MPV17: variants seen among roughly 807,000 people sequenced by gnomAD.
The protein encoded by MPV17 is MPV17, mitochondrial inner membrane protein.
MPV17 carries 31 observed loss-of-function variants against 28.6 expected under a neutral mutation model. That is an observed-to-expected ratio of 1.08 (90% confidence interval 0.81 to 1.46). MPV17 has a LOEUF of 1.46. Ranked by LOEUF, MPV17 falls within the 40% of genes most tolerant of loss-of-function variation. The pLI is 0.00. For missense variants in MPV17, 198 were observed against 216.2 expected, an observed-to-expected ratio of 0.92 and a Z score of 0.53; for synonymous variants, 87 against 85.3, an observed-to-expected ratio of 1.02 and a Z score of -0.11.
chr2:27,312,341 G>T, intron 5 of MPV17, 95 bp from the exon 6 acceptor site: 1 of 1,450,630 alleles, frequency 6.9e-7, no homozygotes, highest in Non-Finnish European at 9.7e-7. Flanking sequence ...GGTTCAAAGA[G>T]CACATTCCTG....
intron 2 of MPV17, 153 bp from the exon 3 acceptor site, chr2:27,313,262 C>T (rs1015057839): frequency 4.0e-6 from 6 of 1,507,700 alleles, no homozygotes; most frequent in Non-Finnish European, 5.4e-6. Flanking sequence ...TTCCTGCTGC[C>T]TCAAAGCCCT....
Position 27,309,919 on chromosome 2 carries a change from C to G in MPV17, c.524G>C (p.Arg175Pro). ...CGATGGAGTGAGGCAGGCTTAGAGC[C>G]GATGTGCCTTCCAGGACAGGTAGGA... The part of the protein sequence containing the change: ...WNSYLSWKAH[R>P]L The change falls in exon 8 of 8, where the codon CGG becomes CCG. Residue 175 changes from arginine (R) to proline (P), a missense_variant. Coordinates refer to ENST00000380044, the MANE Select transcript of MPV17 (RefSeq NM_002437.5). 1 of 1,613,656 alleles carries G rather than the reference C, an allele frequency of 6.2e-7. No homozygotes were observed.
In MPV17 at chr2:27,317,133, T is replaced by C. The variant is rs1251021286; in HGVS notation, c.71-4024A>G. 1.3e-6 allele frequency: 2 copies of C among 1,550,134 alleles called. No homozygotes were observed. The highest frequency in any genetic ancestry group is 1.2e-5 in the South Asian group (1 of 84,036). The stretch of plus-strand genomic sequence containing the variant: ...GGCAGAGGGGCAAGAAGTGGCTTCT[T>C]GGAGTGAGGAGCAGGAAGCGTGTCC... On this transcript the variant is annotated intron_variant, in intron 2 of 7. Coordinates refer to ENST00000380044, the MANE Select transcript of MPV17 (RefSeq NM_002437.5). This position sits in a 1 kb window ranked among gnomAD's most constrained non-coding sequence, Gnocchi z 4.0.
rs767864649 is a variant in MPV17 at position 27,312,759 on chromosome 2, C to T, written c.200G>A (p.Gly67Glu). The change falls in exon 4 of 8, where the codon GGA (glycine) becomes GAA (glutamate). Residue 67 changes from glycine to glutamate, a missense_variant. Physicochemically the swap from Gly to Glu is moderately conservative, Grantham distance 98. Transcript: ENST00000380044. ...CCGATCCAAAACCTTGTACCAGCCT[C>T]CTACCACAGGGCCCTGGAAGTAAAC... ...LGCGFVGPVV[G>E]GWYKVLDRFI... The T allele has an allele frequency of 6.2e-7, 1 of 1,614,156 alleles. No individual in the cohort carries two copies. Among genetic ancestry groups the T allele is most frequent in the Non-Finnish European group, 8.5e-7 (1 of 1,180,050 alleles).
chr2:27,315,834 T>G, intron 2 of MPV17: 7 of 1,210,876 alleles, frequency 5.8e-6, no homozygotes, highest in East Asian at 3.5e-5. Context: ...AGTGTTGGGA[T>G]TATAGGTGTG....
chr2:27,311,768 G>A lies in MPV17; in HGVS notation c.461+131C>T, dbSNP rs1248718692. The A allele has an allele frequency of 3.2e-6, 5 of 1,562,472 alleles. No individual in the cohort carries two copies. In the East Asian group the frequency reaches 1.1e-4, roughly 36 times the overall value. On this transcript the variant is annotated intron_variant, in intron 7 of 7. Coordinates refer to ENST00000380044, the MANE Select transcript of MPV17 (RefSeq NM_002437.5). ...CTGAATAACACGCTTGGGAATCTGA[G>A]GAACTCTGATCACGGCTCAGTGTTC... is the stretch of plus-strand genomic sequence containing the variant.
At chr2:27,312,148 C>G (rs1028829307) in intron 6 of MPV17, 66 bp downstream of exon 6, 1 of 1,568,258 alleles carries the variant, frequency 6.4e-7, no homozygotes, top group Non-Finnish European at 8.8e-7. Context: ...GGAGGACCCC[C>G]CAATCCCAGG....
chr2:27,313,146 T>G (rs892297593), intron 2 of MPV17, 37 bp from the exon 3 acceptor site: 6 of 1,613,692 alleles, frequency 3.7e-6, no homozygotes, highest in Middle Eastern at 1.7e-4. Context: ...GGACATCTCC[T>G]GGGATGGGCT....
In MPV17 at chr2:27,317,003, C is replaced by T; in HGVS notation, c.71-3894G>A. On this transcript the variant is annotated intron_variant, in intron 2 of 7. Transcript: ENST00000380044. The surrounding 1 kb of genome is among the most constrained non-coding windows in gnomAD (Gnocchi z 4.0). Reference sequence around the variant, plus strand: ...ACTTCCTGCCCACTAGTGGAAAAGCCCCAACTTCCACACCCTCTTCCCGGG... The same window carrying T: ...ACTTCCTGCCCACTAGTGGAAAAGCTCCAACTTCCACACCCTCTTCCCGGG... The T allele has an allele frequency of 7.2e-7, 1 of 1,392,360 alleles. No homozygotes were observed. The allele number at this position is 1,392,360 out of a possible 1,614,324, so 86.3% of individuals were successfully genotyped here. A position where few individuals can be genotyped will look rare whatever the true frequency, so the allele number is the denominator to read the frequency against.
At chr2:27,320,625 C>T (rs559029296) in intron 2 of MPV17, among the ~76,000 whole-genome samples, 12 of 152,268 alleles carry the variant, frequency 7.9e-5, no homozygotes, top group African/African-American at 2.6e-4. Flanking sequence ...TGAGCCACCG[C>T]GCCCAGTCCC....
At chr2:27,316,972 G>C (rs1679677770) in intron 2 of MPV17, 1 of 1,100,154 alleles carries the variant, frequency 9.1e-7, no homozygotes, top group South Asian at 1.6e-5. Flanking sequence ...AGATCAATTT[G>C]GGACCACTTC....
At chr2:27,321,232 A>G (rs764850794) in intron 2 of MPV17, among the ~76,000 whole-genome samples, 4 of 152,350 alleles carry the variant, frequency 2.6e-5, no homozygotes, top group South Asian at 2.1e-4. Context: ...CCAGCGTGTC[A>G]GTTCCCATCA....
At chr2:27,320,240 G>GA (rs893382884) in intron 2 of MPV17, among the ~76,000 whole-genome samples, 46 of 132,552 alleles carry the variant, frequency 3.5e-4, no homozygotes, top group Admixed American at 5.4e-4. Flanking sequence ...CCATCTCGAA[G>GA]AAAAAAAAAA....
intron 2 of MPV17, among the ~76,000 whole-genome samples, chr2:27,315,160 G>T (rs945487707): frequency 1.3e-5 from 2 of 152,242 alleles, no homozygotes; most frequent in Non-Finnish European, 2.9e-5. Flanking sequence ...GCAAGCTACT[G>T]GTAGGTGCTC....
Position 27,310,890 on chromosome 2 carries a change from A to G in MPV17, c.462-909T>C, listed in dbSNP as rs1409385017. 5.9e-5 allele frequency among the ~76,000 whole-genome samples: 9 copies of G among 151,606 alleles called. No homozygotes were observed. The East Asian group carries it at 1.6e-3, about 26-fold the overall frequency. On this transcript the variant is annotated intron_variant, in intron 7 of 7. Coordinates refer to ENST00000380044, the MANE Select transcript of MPV17 (RefSeq NM_002437.5). ...CTCCCGAGTAGCTGGGACTACAGGC[A>G]CCTGCCACCACACCCAGCTAATTTT...
chr2:27,312,178 A>T, intron 6 of MPV17, 36 bp downstream of exon 6: 1 of 1,608,722 alleles, frequency 6.2e-7, no homozygotes, highest in African/African-American at 1.3e-5. Context: ...GACTTAAGGA[A>T]GCAGGAGAAC....
chr2:27,313,083 T>C lies in MPV17; in HGVS notation c.97A>G (p.Ile33Val). The stretch of plus-strand genomic sequence containing the variant: ...CGCCTCTCCACCAGCTGCTGTGAGA[T>C]AATGTCACCCAGGCCCATCAGGGAC... ...AGSLMGLGDIISQQLVERRGL... is the reference protein window; with the variant it reads ...AGSLMGLGDIVSQQLVERRGL... Residue 33 changes from isoleucine (I) to valine (V), a missense_variant, in exon 3 of 8, where the codon ATC becomes GTC. Coordinates refer to ENST00000380044, the MANE Select transcript of MPV17 (RefSeq NM_002437.5). The C allele has an allele frequency of 6.2e-7, 1 of 1,614,180 alleles. No individual in the cohort carries two copies.
intron 7 of MPV17, 120 bp from the exon 8 acceptor site, chr2:27,310,101 C>A: frequency 1.2e-6 from 1 of 806,998 alleles, no homozygotes. Flanking sequence ...GTTTAGGTCT[C>A]TTTCCTTCAG....
intron 3 of MPV17, 46 bp from the exon 4 acceptor site, chr2:27,312,818 T>TA: frequency 3.1e-6 from 5 of 1,589,538 alleles, no homozygotes. Flanking sequence ...GAGGGAGCCC[T>TA]AGGCCTCTAC....
Sources: gnomAD v4.1 joint callset for allele counts (sites outside exome capture counted in the v4.1 genomes callset) on GRCh38, gnomAD v4.1.1 for gene constraint, Gnocchi (gnomAD v3.1) non-coding constraint, MANE v1.5 for transcripts, NCBI Gene and HGNC (gene_info 2026-07-23, HGNC 2026-07-21) for gene names.